TMCO4: variants seen among roughly 807,000 people sequenced by gnomAD.
The protein encoded by TMCO4 is transmembrane and coiled-coil domain-containing protein 4.
Under a neutral mutation model 64.7 loss-of-function variants are expected in TMCO4, and 58 were observed. The observed-to-expected ratio is 0.90, with a 90% CI of 0.73 to 1.12. The LOEUF (loss-of-function observed/expected upper bound fraction) is 1.12. Ranked by LOEUF, TMCO4 falls within the 50% of genes most tolerant of loss-of-function variation. The pLI is 0.00. For synonymous variants in TMCO4, 325 were observed against 346.1 expected (o/e 0.94, Z 0.68); for missense variants, 780 against 825.9 (o/e 0.94, Z 0.68).
intron 10 of TMCO4, among the ~76,000 whole-genome samples, chr1:19,744,649 T>G (rs962680340): frequency 1.3e-5 from 2 of 152,168 alleles, no homozygotes. Flanking sequence ...AGCCATCCTG[T>G]GCTCTTTTGG....
chr1:19,766,054 C>G (rs72658519), intron 6 of TMCO4, among the ~76,000 whole-genome samples: 15,336 of 150,872 alleles, frequency 0.1, 900 homozygotes, highest in Non-Finnish European at 0.13. Context: ...CAACAAGTAC[C>G]AAGTGTCCAC....
chr1:19,758,412 G>A (rs1300630473), intron 6 of TMCO4, among the ~76,000 whole-genome samples: 1 of 152,130 alleles, frequency 6.6e-6, no homozygotes, highest in Non-Finnish European at 1.5e-5. Context: ...TCAAGCTTTG[G>A]CCATGATGAT....
At chr1:19,769,565 C>G (rs1196257991) in intron 6 of TMCO4, among the ~76,000 whole-genome samples, 1 of 152,202 alleles carries the variant, frequency 6.6e-6, no homozygotes, top group African/African-American at 2.4e-5. Flanking sequence ...TTGGAGGATG[C>G]TGGCAATTTC....
At chr1:19,712,148 A>C (rs2095333539) in intron 13 of TMCO4, among the ~76,000 whole-genome samples, 1 of 152,176 alleles carries the variant, frequency 6.6e-6, no homozygotes, top group Non-Finnish European at 1.5e-5. Context: ...GTTGTGTCTC[A>C]GGGAATAGGA....
intron 14 of TMCO4, among the ~76,000 whole-genome samples, chr1:19,696,015 G>A (rs902027116): frequency 2.6e-5 from 4 of 151,700 alleles, no homozygotes; most frequent in Non-Finnish European, 4.4e-5. Flanking sequence ...CTCCCTCCCC[G>A]CCCCATGGAT....
chr1:19,705,020 T>C (rs2095294920), intron 13 of TMCO4, among the ~76,000 whole-genome samples: 1 of 152,156 alleles, frequency 6.6e-6, no homozygotes, highest in East Asian at 1.9e-4. Flanking sequence ...GACCTGGAGA[T>C]AAGCTACGTG....
At chr1:19,768,824 G>T (rs1440787981) in intron 6 of TMCO4, among the ~76,000 whole-genome samples, 1 of 149,504 alleles carries the variant, frequency 6.7e-6, no homozygotes, top group Non-Finnish European at 1.5e-5. Flanking sequence ...GTCTGGGCGG[G>T]GGCTGAGACT....
intron 13 of TMCO4, chr1:19,701,215 G>A (rs556386227): frequency 5.7e-5 from 9 of 159,216 alleles, no homozygotes; most frequent in South Asian, 5.4e-4. Flanking sequence ...CTGTTGCCCC[G>A]GCTGGAGTGC....
chr1:19,714,853 G>A (rs1197514555), intron 13 of TMCO4, among the ~76,000 whole-genome samples: 1 of 152,110 alleles, frequency 6.6e-6, no homozygotes, highest in African/African-American at 2.4e-5. Context: ...AACCCAGGAG[G>A]TGGAGGTTGC....
intron 13 of TMCO4, among the ~76,000 whole-genome samples, chr1:19,729,865 T>G (rs2095423380): frequency 6.6e-6 from 1 of 152,234 alleles, no homozygotes; most frequent in Non-Finnish European, 1.5e-5. Flanking sequence ...TACCCCATTT[T>G]CCGTGATGTG....
intron 7 of TMCO4, among the ~76,000 whole-genome samples, chr1:19,754,567 C>T (rs755220014): frequency 1.1e-4 from 17 of 152,120 alleles, no homozygotes; most frequent in Non-Finnish European, 2.1e-4. Flanking sequence ...TCAAAGAACA[C>T]CACGGCAGCT....
chr1:19,713,657 C>A (rs1186781371), intron 13 of TMCO4, among the ~76,000 whole-genome samples: 1 of 152,004 alleles, frequency 6.6e-6, no homozygotes, highest in Non-Finnish European at 1.5e-5. Flanking sequence ...TATGGTTGTA[C>A]CACTGCACTC....
At chr1:19,793,680 A>G (rs1447895039) in intron 2 of TMCO4, among the ~76,000 whole-genome samples, 4 of 152,202 alleles carry the variant, frequency 2.6e-5, no homozygotes, top group Non-Finnish European at 4.4e-5. Context: ...AGATGCTGGC[A>G]TGGAAGGAAA....
intron 14 of TMCO4, among the ~76,000 whole-genome samples, chr1:19,696,739 C>T (rs543557768): frequency 1.9e-4 from 29 of 152,232 alleles, no homozygotes; most frequent in African/African-American, 7.0e-4. Context: ...GCAAAGACAG[C>T]ATCATTCCTC....
At chr1:19,777,858 G>C (rs1557609904) in intron 4 of TMCO4, among the ~76,000 whole-genome samples, 1 of 152,182 alleles carries the variant, frequency 6.6e-6, no homozygotes, top group Non-Finnish European at 1.5e-5. Context: ...AGGCAGCATT[G>C]TGAGACTCTG....
intron 2 of TMCO4, among the ~76,000 whole-genome samples, chr1:19,793,291 G>A (rs2044143060): frequency 6.6e-6 from 1 of 152,132 alleles, no homozygotes; most frequent in South Asian, 2.1e-4. Context: ...TCATGGGAAG[G>A]CTGAAGACTA....
In TMCO4 at chr1:19,740,918, C is replaced by T; in HGVS notation, c.901G>A (p.Ala301Thr). The T allele has an allele frequency of 6.2e-7, 1 of 1,612,644 alleles. No individual in the cohort carries two copies. The highest frequency in any genetic ancestry group is 8.5e-7 in the Non-Finnish European group (1 of 1,179,388). ...KYRTFSAPWA[A>T]LAHSREQYCL... ...TACTGCTCACGGCTGTGGGCCAGGG[C>T]AGCCCACGGGGCACTGAAGGTGCCT... Residue 301 changes from alanine (A) to threonine (T), a missense_variant, in exon 11 of 16, where the codon GCC becomes ACC. Transcript: ENST00000294543.
At chr1:19,787,517 G>A (rs1177192535) in intron 2 of TMCO4, among the ~76,000 whole-genome samples, 1 of 152,172 alleles carries the variant, frequency 6.6e-6, no homozygotes, top group African/African-American at 2.4e-5. Context: ...TACATGAACC[G>A]AGGAATGAAC....
At chr1:19,795,883 A>G (rs2044282973) in intron 2 of TMCO4, among the ~76,000 whole-genome samples, 2 of 152,206 alleles carry the variant, frequency 1.3e-5, no homozygotes, top group Non-Finnish European at 2.9e-5. Context: ...TCTGAGCCCC[A>G]GGCACCTGTG....
Sources: allele counts gnomAD v4.1 joint callset (sites outside exome capture counted in the v4.1 genomes callset), GRCh38; gene constraint gnomAD v4.1.1; transcripts MANE v1.5; gene names NCBI Gene and HGNC (gene_info 2026-07-23, HGNC 2026-07-21).